Variants in XKR6 observed in about 807,000 individuals in gnomAD.
The protein encoded by XKR6 is XK related 6.
In XKR6, 22 loss-of-function variants were observed where a neutral mutation model predicts 56.7. The ratio of observed to expected loss-of-function variants is 0.39; its 90% confidence interval spans 0.28 to 0.55. XKR6 has a LOEUF of 0.55. Ranked by LOEUF, XKR6 falls within the 20% of genes least tolerant of loss-of-function variation. The pLI, the probability that XKR6 is intolerant of heterozygous loss-of-function variation, is 0.66. For synonymous variants in XKR6, 524 were observed against 387.8 expected (o/e 1.35, Z -4.13); for missense variants, 852 against 889.0 (o/e 0.96, Z 0.53).
At chr8:10,963,314 C>G (rs1330996515) in intron 1 of XKR6, among the ~76,000 whole-genome samples, 2 of 152,256 alleles carry the variant, frequency 1.3e-5, no homozygotes, top group African/African-American at 2.4e-5. Flanking sequence ...CGAGGCCTTT[C>G]TCGACCACCC....
intron 1 of XKR6, among the ~76,000 whole-genome samples, chr8:11,065,439 GACATT>G (rs1347511750): frequency 6.6e-6 from 1 of 152,192 alleles, no homozygotes; most frequent in Non-Finnish European, 1.5e-5. Context: ...CTGCACTGAG[GACATT>G]ACTTTATCCT....
intron 1 of XKR6, among the ~76,000 whole-genome samples, chr8:10,957,372 C>A (rs543526112): frequency 6.6e-6 from 1 of 152,172 alleles, no homozygotes; most frequent in Non-Finnish European, 1.5e-5. Context: ...CTACTCCAGG[C>A]GTGTCACCAT....
intron 2 of XKR6, among the ~76,000 whole-genome samples, chr8:10,907,901 G>T (rs1257903531): frequency 1.3e-5 from 2 of 152,174 alleles, no homozygotes; most frequent in Non-Finnish European, 2.9e-5. Context: ...TGCCTGAATT[G>T]CCGGAATGGC....
chr8:11,140,846 C>T (rs932876019), intron 1 of XKR6, among the ~76,000 whole-genome samples: 3 of 142,558 alleles, frequency 2.1e-5, no homozygotes, highest in African/African-American at 8.2e-5. Flanking sequence ...TGTAGTGAGC[C>T]GAGATCGCAC....
rs371072938 is a variant in XKR6 at position 11,101,497 on chromosome 8, A to AT, written c.764+99078dup. On this transcript the variant is annotated intron_variant, in intron 1 of 2. Transcript: ENST00000416569. ...TTTACAAATTATGTCATTTTTTATG[A>AT]TAAAAAGTTGTCTGAATTTTGGAAA... is the stretch of plus-strand genomic sequence containing the variant. Among the ~76,000 whole-genome samples, 564 of 152,270 alleles carry AT rather than the reference A, an allele frequency of 3.7e-3. 4 individuals are homozygous for AT. Among genetic ancestry groups the AT allele is most frequent in the African/African-American group, 0.013 (536 of 41,534 alleles).
intron 2 of XKR6, among the ~76,000 whole-genome samples, chr8:10,917,421 C>T (rs1800593336): frequency 6.6e-6 from 1 of 152,230 alleles, no homozygotes; most frequent in Non-Finnish European, 1.5e-5. Flanking sequence ...CTTTATGCAA[C>T]ATGTCGAGGT....
At chr8:11,198,907 C>T (rs746462260) in intron 1 of XKR6, among the ~76,000 whole-genome samples, 4 of 151,992 alleles carry the variant, frequency 2.6e-5, no homozygotes, top group Non-Finnish European at 4.4e-5. Flanking sequence ...AAAACAACCC[C>T]CAGCCCCCGC....
chr8:11,022,153 C>A (rs1346165647), intron 1 of XKR6, among the ~76,000 whole-genome samples: 1 of 149,350 alleles, frequency 6.7e-6, no homozygotes, highest in African/African-American at 2.5e-5. Flanking sequence ...TAGAAAGGGG[C>A]CCTCTCTTAA....
chr8:11,129,308 T>G (rs1446561708), intron 1 of XKR6, among the ~76,000 whole-genome samples: 1 of 152,226 alleles, frequency 6.6e-6, no homozygotes, highest in African/African-American at 2.4e-5. Context: ...CTAATACCCC[T>G]GATGTAAAAA....
chr8:11,008,443 C>G (rs1337589704), intron 1 of XKR6, among the ~76,000 whole-genome samples: 2 of 60,310 alleles, frequency 3.3e-5, no homozygotes, highest in Non-Finnish European at 6.3e-5. Context: ...TTTTTTTTGA[C>G]AGGGTCTCGC....
At chr8:10,996,125 A>G (rs1798107976) in intron 1 of XKR6, among the ~76,000 whole-genome samples, 1 of 152,252 alleles carries the variant, frequency 6.6e-6, no homozygotes, top group African/African-American at 2.4e-5. Context: ...AAAATGAAAT[A>G]CTTTTCTTCA....
intron 1 of XKR6, among the ~76,000 whole-genome samples, chr8:10,952,570 C>T (rs1365433570): frequency 6.6e-6 from 1 of 152,228 alleles, no homozygotes; most frequent in African/African-American, 2.4e-5. Flanking sequence ...CCTCCCATCT[C>T]AGCCTCCCCC....
At chr8:11,040,526 T>C (rs1799260757) in intron 1 of XKR6, among the ~76,000 whole-genome samples, 1 of 151,930 alleles carries the variant, frequency 6.6e-6, no homozygotes, top group Non-Finnish European at 1.5e-5. Context: ...TGCAATCCTG[T>C]CTCAAAACAC....
At position 10,947,207 on chromosome 8, in the gene XKR6, G is replaced by A. The variant is rs146421613; in HGVS notation, c.765-22377C>T. Reference sequence around the variant, plus strand: ...GGGGAAATCATAGCTCTCAGTGGCAGAGGAAAAGAGAGAAAATGAAGACAC... The same window carrying A: ...GGGGAAATCATAGCTCTCAGTGGCAAAGGAAAAGAGAGAAAATGAAGACAC... On this transcript the variant is annotated intron_variant, in intron 1 of 2. Transcript: ENST00000416569. Among the ~76,000 whole-genome samples, 412 of 152,332 alleles carry A rather than the reference G, an allele frequency of 2.7e-3. 2 individuals are homozygous for A. Among genetic ancestry groups the A allele is most frequent in the African/African-American group, 9.4e-3 (392 of 41,574 alleles).
chr8:11,143,890 G>C (rs1003706281), intron 1 of XKR6, among the ~76,000 whole-genome samples: 1 of 152,188 alleles, frequency 6.6e-6, no homozygotes, highest in Non-Finnish European at 1.5e-5. Context: ...GGAAGTGCAA[G>C]ATCTAGGTCT....
chr8:10,971,082 T>A (rs1277986354), intron 1 of XKR6, among the ~76,000 whole-genome samples: 1 of 151,430 alleles, frequency 6.6e-6, no homozygotes, highest in African/African-American at 2.4e-5. Context: ...TTGGGGTTTT[T>A]AAAAATTCTG....
chr8:11,014,268 A>C (rs1798566826), intron 1 of XKR6, among the ~76,000 whole-genome samples: 1 of 152,228 alleles, frequency 6.6e-6, no homozygotes, highest in Admixed American at 6.5e-5. Context: ...AAGACTCCAA[A>C]GGAGTGTAGC....
intron 1 of XKR6, among the ~76,000 whole-genome samples, chr8:10,947,005 G>A (rs1161946105): frequency 1.3e-5 from 2 of 152,184 alleles, no homozygotes. Flanking sequence ...GGCCAGGCTG[G>A]ACAGAAAGGG....
intron 1 of XKR6, among the ~76,000 whole-genome samples, chr8:11,000,027 T>C (rs1036510462): frequency 1.3e-5 from 2 of 152,304 alleles, no homozygotes; most frequent in South Asian, 4.1e-4. Flanking sequence ...TGAAGACAAC[T>C]TCAAAACTCC....
Sources: gnomAD v4.1 joint callset for allele counts (sites outside exome capture counted in the v4.1 genomes callset) on GRCh38, gnomAD v4.1.1 for gene constraint, MANE v1.5 for transcripts, NCBI Gene and HGNC (gene_info 2026-07-23, HGNC 2026-07-21) for gene names.